Variants in SORBS2 observed in about 807,000 individuals in gnomAD.
SORBS2 encodes the protein sorbin and SH3 domain containing 2.
In SORBS2, 46 loss-of-function variants were observed where a neutral mutation model predicts 97.7. That is an observed-to-expected ratio of 0.47 (90% CI 0.37 to 0.60). SORBS2 has a LOEUF of 0.60. SORBS2 is among the 20% of genes least tolerant of loss of function. SORBS2 has a pLI of 0.00. For missense variants in SORBS2, 1,316 were observed against 1,282.3 expected (o/e 1.03, Z -0.40); for synonymous variants, 476 against 473.4 (o/e 1.01, Z -0.07).
chr4:185,621,633 G>GT (rs145373975), intron 7 of SORBS2, among the ~76,000 whole-genome samples: 30,210 of 152,044 alleles, frequency 0.2, 3,451 homozygotes, highest in African/African-American at 0.31. Context: ...AAAGATAAAC[G>GT]TAAGTGTATA....
At chr4:185,814,634 A>G (rs2099192167) in intron 1 of SORBS2, among the ~76,000 whole-genome samples, 1 of 152,182 alleles carries the variant, frequency 6.6e-6, no homozygotes, top group Admixed American at 6.5e-5. Flanking sequence ...TTCTTCTTGT[A>G]TCTCCTCCTC....
chr4:185,863,392 C>T (rs537264244), intron 1 of SORBS2, among the ~76,000 whole-genome samples: 2 of 152,248 alleles, frequency 1.3e-5, no homozygotes, highest in South Asian at 4.1e-4. Flanking sequence ...TACTGTGCAA[C>T]GTCCTATGCT....
intron 1 of SORBS2, among the ~76,000 whole-genome samples, chr4:185,654,868 C>T (rs2097371202): frequency 1.3e-5 from 2 of 152,028 alleles, no homozygotes; most frequent in Non-Finnish European, 2.9e-5. Flanking sequence ...GTTTTCAAAA[C>T]ATCAGAACTC....
intron 2 of SORBS2, among the ~76,000 whole-genome samples, chr4:185,754,412 C>T (rs572167497): frequency 2.0e-4 from 30 of 152,174 alleles, no homozygotes; most frequent in East Asian, 1.4e-3. Flanking sequence ...CAGTAACCCC[C>T]GTAACATGCT....
chr4:185,767,515 AAAAAGAG>A lies in SORBS2; in HGVS notation c.-198+7705_-198+7711del, dbSNP rs2098943298. Reference sequence around the variant, plus strand: ...ACTCTGTCTCAAAAAAAAAAAAAAAAAAAAGAGAAAGAAAATGAAAGAGCTATGCATT... The same window carrying A: ...ACTCTGTCTCAAAAAAAAAAAAAAAAAAAGAAAATGAAAGAGCTATGCATT... On this transcript the variant is annotated intron_variant, in intron 2 of 20. Coordinates refer to the SORBS2 transcript ENST00000284776. 4.0e-5 allele frequency among the ~76,000 whole-genome samples: 6 copies of A among 148,942 alleles called. 1 individual carries two copies. In the South Asian group the frequency reaches 1.1e-3, roughly 27 times the overall value.
chr4:185,926,841 C>G (rs1462553165), intron 1 of SORBS2, among the ~76,000 whole-genome samples: 2 of 151,992 alleles, frequency 1.3e-5, no homozygotes, highest in Non-Finnish European at 2.9e-5. Context: ...CCCTTACAGA[C>G]TCATCCATTG....
chr4:185,657,580 A>C, upstream of SORBS2: 2 of 1,589,638 alleles, frequency 1.3e-6, no homozygotes, highest in Non-Finnish European at 1.7e-6. Flanking sequence ...CATGCTGGGG[A>C]TATGTGTCTG....
At chr4:185,624,643 C>T (rs1393712819) in intron 6 of SORBS2, 149 bp from the exon 19 acceptor site, 2 of 774,916 alleles carry the variant, frequency 2.6e-6, no homozygotes, top group Non-Finnish European at 4.0e-6. Context: ...ATTGTTCACA[C>T]ATGGAGCTTC....
At chr4:185,951,974 A>G (rs2099277409) in intron 1 of SORBS2, among the ~76,000 whole-genome samples, 1 of 152,192 alleles carries the variant, frequency 6.6e-6, no homozygotes, top group Non-Finnish European at 1.5e-5. Flanking sequence ...AAACAACCCC[A>G]AAATTGTAAA....
chr4:185,862,646 A>C (rs1452628215), intron 1 of SORBS2, among the ~76,000 whole-genome samples: 2 of 152,240 alleles, frequency 1.3e-5, no homozygotes, highest in African/African-American at 4.8e-5. Context: ...TGTATTTTTC[A>C]AACAGTTAAT....
intron 1 of SORBS2, among the ~76,000 whole-genome samples, chr4:185,924,996 T>C (rs1456285571): frequency 6.6e-6 from 1 of 152,184 alleles, no homozygotes; most frequent in African/African-American, 2.4e-5. Flanking sequence ...CTGACAAGGC[T>C]TTTCAGTGAA....
chr4:185,885,078 T>C (rs1170084409), intron 1 of SORBS2, among the ~76,000 whole-genome samples: 1 of 152,142 alleles, frequency 6.6e-6, no homozygotes, highest in East Asian at 1.9e-4. Flanking sequence ...AATGTTTAAT[T>C]AATGTTGCTG....
chr4:185,627,909 A>G (rs530977947), intron 5 of SORBS2, among the ~76,000 whole-genome samples: 1 of 152,046 alleles, frequency 6.6e-6, no homozygotes, highest in South Asian at 2.1e-4. Flanking sequence ...CCTTTTCACC[A>G]TGCCCAGTTG....
chr4:185,649,424 A>G, intron 3 of SORBS2, 43 bp downstream of exon 12: 1 of 1,473,450 alleles, frequency 6.8e-7, no homozygotes, highest in Non-Finnish European at 9.1e-7. Flanking sequence ...ACTTATTTTT[A>G]TCCTAAGCGA....
rs183711395 is a variant in SORBS2, at chr4:185,600,407, C to T, written c.2797-6472G>A. 1.6e-4 allele frequency among the ~76,000 whole-genome samples: 24 copies of T among 152,298 alleles called. No individual in the cohort carries two copies. In the East Asian group the frequency reaches 2.9e-3, roughly 18 times the overall value. The stretch of plus-strand genomic sequence containing the variant: ...AGGCTGGAGTGCAATGGCACAGTCT[C>T]GGCTCACTGCAACCTCCATCTCCCG... On this transcript the variant is annotated intron_variant, in intron 12 of 14. Transcript: ENST00000418609.
intron 1 of SORBS2, among the ~76,000 whole-genome samples, chr4:185,890,978 T>C (rs199686100): frequency 1.0e-4 from 6 of 57,958 alleles, no homozygotes; most frequent in South Asian, 1.1e-3. Flanking sequence ...ATGAATGAAA[T>C]AAAAGAAAGG....
At chr4:185,812,528 G>T (rs1303280368) in intron 1 of SORBS2, among the ~76,000 whole-genome samples, 1 of 152,214 alleles carries the variant, frequency 6.6e-6, no homozygotes, top group Non-Finnish European at 1.5e-5. Flanking sequence ...GGCTATCCAG[G>T]TTAATAACAT....
At chr4:185,929,823 T>A (rs2099265576) in intron 1 of SORBS2, among the ~76,000 whole-genome samples, 1 of 152,152 alleles carries the variant, frequency 6.6e-6, no homozygotes, top group Non-Finnish European at 1.5e-5. Context: ...CATGAGCCAC[T>A]GTGCCTGGCC....
rs555987931 is a variant in SORBS2 at position 185,820,427 on chromosome 4, C to T, written c.-337-45061G>A. Among the ~76,000 whole-genome samples the T allele has an allele frequency of 9.8e-5, 15 of 152,316 alleles. No individual in the cohort carries two copies. The East Asian group carries it at 2.9e-3, about 29-fold the overall frequency. On this transcript the variant is annotated intron_variant, in intron 1 of 20. Transcript: ENST00000284776. ...TTCTCTCGGCAGCCCTAGTTCTTTC[C>T]CTCATTTAACCTTTTCATAGAATCT...
Sources: allele counts gnomAD v4.1 joint callset (sites outside exome capture counted in the v4.1 genomes callset), GRCh38; gene constraint gnomAD v4.1.1; transcripts MANE v1.5; gene names NCBI Gene and HGNC (gene_info 2026-07-23, HGNC 2026-07-21).